FKTN: variants seen among roughly 807,000 people sequenced by gnomAD.
The protein encoded by FKTN is ribitol-5-phosphate transferase FKTN.
FKTN carries 47 observed loss-of-function variants against 58.6 expected under a neutral mutation model. The ratio of observed to expected loss-of-function variants is 0.80; its 90% confidence interval spans 0.63 to 1.02. The LOEUF is 1.02. FKTN is among the 50% of genes least tolerant of loss of function. FKTN has a pLI of 0.00. For synonymous variants in FKTN, 178 were observed against 191.9 expected (o/e 0.93, Z 0.60); for missense variants, 516 against 537.3 (o/e 0.96, Z 0.39).
rs771921453 is a variant in FKTN, at chr9:105,604,276, A to C, written c.431A>C (p.Asp144Ala). 2 of 1,613,358 alleles carry C rather than the reference A, an allele frequency of 1.2e-6. No individual in the cohort carries two copies. The highest frequency in any genetic ancestry group is 1.7e-6 in the Non-Finnish European group (2 of 1,179,944). ...CAGTGCCTAAAGATTGAGAGTAAAG[A>C]TCCCCGGCTAGACGGGATAGACTCA... ...GFQCLKIESK[D>A]PRLDGIDSLS... The change falls in exon 6 of 11, where the codon GAT (aspartate) becomes GCT (alanine). Residue 144 changes from aspartate (D) to alanine (A), a missense_variant. Coordinates refer to ENST00000357998, the MANE Select transcript of FKTN (RefSeq NM_001079802.2).
intron 3 of FKTN, among the ~76,000 whole-genome samples, chr9:105,577,968 T>A (rs1842070750): frequency 1.3e-5 from 2 of 151,946 alleles, no homozygotes; most frequent in Admixed American, 6.5e-5. Flanking sequence ...TGGCTCTCTG[T>A]TTGTGTGTTG....
rs1328866553 is a variant in FKTN at position 105,635,684 on chromosome 9, C to T, written c.*420C>T. On this transcript the variant is annotated 3_prime_UTR_variant, in exon 11 of 11. Transcript: ENST00000357998. ...TAGTTGAAAAGAATAACCCACTCCT[C>T]TTCTGGGCATTTAAGCTGGTATGTT... 15 of 1,061,044 alleles carry T rather than the reference C, an allele frequency of 1.4e-5. No individual in the cohort carries two copies. Among genetic ancestry groups the T allele is most frequent in the African/African-American group, 6.7e-5 (4 of 59,508 alleles). The allele number at this position is 1,061,044 out of a possible 1,614,324, so 65.7% of individuals were successfully genotyped here.
At chr9:105,582,975 C>T (rs547243932) in intron 3 of FKTN, among the ~76,000 whole-genome samples, 3 of 152,184 alleles carry the variant, frequency 2.0e-5, no homozygotes, top group Non-Finnish European at 4.4e-5. Context: ...TCCTGTGTTA[C>T]AGTCAAGGCT....
At position 105,639,628 on chromosome 9, in the gene FKTN, C is replaced by A; in HGVS notation, c.*4364C>A. On this transcript the variant is annotated 3_prime_UTR_variant, in exon 11 of 11. Transcript: ENST00000357998. ...TTCCTTTACTCAAAAGATTGCATGA[C>A]TGAATTTGCTTAAGAAAAAAAAAAT... is the stretch of plus-strand genomic sequence containing the variant. 1.0e-6 allele frequency: 1 copy of A among 961,824 alleles called. No homozygotes were observed. Among genetic ancestry groups the A allele is most frequent in the Non-Finnish European group, 1.2e-6 (1 of 809,818 alleles). The allele number at this position is 961,824 out of a possible 1,614,324, so 59.6% of individuals were successfully genotyped here.
chr9:105,618,295 G>A (rs1275524308), intron 9 of FKTN, among the ~76,000 whole-genome samples: 1 of 152,060 alleles, frequency 6.6e-6, no homozygotes, highest in African/African-American at 2.4e-5. Context: ...CTTTCTACTG[G>A]GTTGGTGCAA....
chr9:105,575,806 A>G (rs145190306), intron 3 of FKTN, among the ~76,000 whole-genome samples: 1 of 152,212 alleles, frequency 6.6e-6, no homozygotes, highest in African/African-American at 2.4e-5. Context: ...AATTAGAACT[A>G]TTCATCAGAA....
chr9:105,584,374 G>T (rs1041716417), intron 3 of FKTN, among the ~76,000 whole-genome samples: 3 of 151,826 alleles, frequency 2.0e-5, no homozygotes, highest in Non-Finnish European at 2.9e-5. Flanking sequence ...AACAGAAGTG[G>T]TATGTAATTA....
chr9:105,578,625 A>T (rs1184073842), intron 3 of FKTN, among the ~76,000 whole-genome samples: 1 of 151,894 alleles, frequency 6.6e-6, no homozygotes, highest in Non-Finnish European at 1.5e-5. Flanking sequence ...ATTGGTCTAA[A>T]ATTCTCTTTT....
chr9:105,602,400 A>T (rs962843834), intron 5 of FKTN, among the ~76,000 whole-genome samples: 3 of 152,208 alleles, frequency 2.0e-5, no homozygotes, highest in Non-Finnish European at 4.4e-5. Flanking sequence ...TGCCTTGAGA[A>T]CCACTATTTT....
chr9:105,613,118 A>T (rs2133049350), intron 7 of FKTN, among the ~76,000 whole-genome samples: 1 of 152,340 alleles, frequency 6.6e-6, no homozygotes, highest in Admixed American at 6.5e-5. Flanking sequence ...TTTGCTGTTT[A>T]GTCCTTTCAG....
intron 10 of FKTN, among the ~76,000 whole-genome samples, chr9:105,626,751 T>A (rs1832791578): frequency 6.6e-6 from 1 of 152,206 alleles, no homozygotes; most frequent in African/African-American, 2.4e-5. Flanking sequence ...CGCTTGGCAT[T>A]GTCAGACTTC....
intron 10 of FKTN, among the ~76,000 whole-genome samples, chr9:105,629,212 C>G (rs1833105384): frequency 6.6e-6 from 1 of 151,938 alleles, no homozygotes; most frequent in Non-Finnish European, 1.5e-5. Flanking sequence ...AAAATAAAAA[C>G]TAAACTTAAA....
At position 105,639,755 on chromosome 9, in the gene FKTN, T is replaced by C. The variant is rs41316524; in HGVS notation, c.*4491T>C. On this transcript the variant is annotated 3_prime_UTR_variant, in exon 11 of 11. Coordinates refer to ENST00000357998, the MANE Select transcript of FKTN (RefSeq NM_001079802.2). ...TTACCAGTTTGCCTCCTTCTCTCAA[T>C]AGAACTTGTATTTTCATTTTCTTGG... 9.4e-3 allele frequency: 9,851 copies of C among 1,051,756 alleles called. 73 individuals are homozygous for C. The highest frequency in any genetic ancestry group is 0.027 in the Middle Eastern group (61 of 2,296). 65.2% of individuals were successfully genotyped at this position (1,051,756 alleles called of 1,614,324 possible).
At chr9:105,627,318 T>C (rs1044630255) in intron 10 of FKTN, among the ~76,000 whole-genome samples, 3 of 152,180 alleles carry the variant, frequency 2.0e-5, no homozygotes, top group African/African-American at 7.2e-5. Flanking sequence ...AAAGTTATTT[T>C]AATGTAGTTC....
intron 10 of FKTN, among the ~76,000 whole-genome samples, chr9:105,630,010 A>C (rs531769929): frequency 1.3e-5 from 2 of 152,106 alleles, no homozygotes; most frequent in Non-Finnish European, 2.9e-5. Flanking sequence ...ACTTGGACAC[A>C]GGGTGGGGAA....
At chr9:105,616,660 A>G (rs77639671) in intron 8 of FKTN, among the ~76,000 whole-genome samples, 2,750 of 152,298 alleles carry the variant, frequency 0.018, 74 homozygotes, top group African/African-American at 0.063. Flanking sequence ...TATAGTAACC[A>G]TATCTGTACA....
intron 4 of FKTN, among the ~76,000 whole-genome samples, chr9:105,599,664 C>T (rs187569271): frequency 2.4e-3 from 367 of 151,754 alleles, no homozygotes; most frequent in Middle Eastern, 0.014. Context: ...CCACCACGCC[C>T]GGCTAATTTT....
chr9:105,639,025 T>G lies in FKTN; in HGVS notation c.*3761T>G. On this transcript the variant is annotated 3_prime_UTR_variant, in exon 11 of 11. Transcript: ENST00000357998. ...CTTATGGCTACATATTTTTCTAAGT[T>G]TCCCCCCTAGTTTCACTTTCTGGAA... 1 of 985,396 alleles carries G rather than the reference T, an allele frequency of 1.0e-6. No homozygotes were observed. The highest frequency in any genetic ancestry group is 4.7e-5 in the South Asian group (1 of 21,284). The allele number at this position is 985,396 out of a possible 1,614,324, so 61.0% of individuals were successfully genotyped here.
intron 4 of FKTN, among the ~76,000 whole-genome samples, chr9:105,599,953 A>G (rs1364930835): frequency 6.6e-5 from 10 of 151,300 alleles, no homozygotes; most frequent in African/African-American, 2.4e-4. Flanking sequence ...TGTTGTTTTG[A>G]GGGCAGTTTT....
Sources: allele counts gnomAD v4.1 joint callset (sites outside exome capture counted in the v4.1 genomes callset), GRCh38; gene constraint gnomAD v4.1.1; transcripts MANE v1.5; gene names NCBI Gene and HGNC (gene_info 2026-07-23, HGNC 2026-07-21).